The following COL18A1 variants were observed in gnomAD, a reference collection of about 807,000 sequenced individuals.
COL18A1 encodes the protein collagen type XVIII alpha 1 chain, also known as collagen alpha-1(XVIII) chain.
Under a neutral mutation model 168.0 loss-of-function variants are expected in COL18A1, and 133 were observed. The ratio of observed to expected loss-of-function variants is 0.79; its 90% confidence interval spans 0.69 to 0.91. The LOEUF (loss-of-function observed/expected upper bound fraction) is 0.91. COL18A1 is among the 40% of genes least tolerant of loss of function. The pLI is 0.00. For missense variants in COL18A1, 2,126 were observed against 1,925.4 expected, an observed-to-expected ratio of 1.10 and a Z score of -1.95; for synonymous variants, 949 against 809.0, an observed-to-expected ratio of 1.17 and a Z score of -2.94.
intron 2 of COL18A1, among the ~76,000 whole-genome samples, chr21:45,414,573 C>T (rs1013852999): frequency 5.9e-5 from 9 of 152,102 alleles, no homozygotes; most frequent in African/African-American, 9.7e-5. Context: ...TCGGACCCTG[C>T]GGCCGACTCT....
chr21:45,484,316 T>C (rs1328254549), intron 15 of COL18A1, among the ~76,000 whole-genome samples: 6 of 121,632 alleles, frequency 4.9e-5, no homozygotes, highest in African/African-American at 2.1e-4. Context: ...ACCTCCAGCA[T>C]ACATGCACAC....
At chr21:45,497,251 C>T (rs939799147) in intron 31 of COL18A1, among the ~76,000 whole-genome samples, 159 bp downstream of exon 31, 5 of 151,616 alleles carry the variant, frequency 3.3e-5, no homozygotes, top group Non-Finnish European at 7.4e-5. Flanking sequence ...CTTGGCCCTT[C>T]CTGCGGGCCC....
In COL18A1 at chr21:45,468,290, C is replaced by G; in HGVS notation, c.155C>G (p.Pro52Arg). Reference sequence around the variant, plus strand: ...CTGCTGCAGCTCCTTGGGGACCCCCCGCCCCAGCAGGTCACCCAGACGGAT... The same window carrying G: ...CTGCTGCAGCTCCTTGGGGACCCCCGGCCCCAGCAGGTCACCCAGACGGAT... ...VGLLQLLGDP[P>R]PQQVTQTDDP... The change falls in exon 3 of 42, where the codon CCG becomes CGG. Residue 52 changes from proline (P) to arginine (R), a missense_variant. Coordinates refer to ENST00000651438, the MANE Select transcript of COL18A1 (RefSeq NM_001379500.1). 6.2e-7 allele frequency: 1 copy of G among 1,613,234 alleles called. No individual in the cohort carries two copies.
At chr21:45,406,841 G>A (rs1362710527) in intron 2 of COL18A1, among the ~76,000 whole-genome samples, 1 of 152,264 alleles carries the variant, frequency 6.6e-6, no homozygotes, top group Non-Finnish European at 1.5e-5. Flanking sequence ...GTTAACGCGA[G>A]CTTTGGTGAG....
At chr21:45,446,466 A>G (rs2034508188) in intron 2 of COL18A1, among the ~76,000 whole-genome samples, 1 of 152,264 alleles carries the variant, frequency 6.6e-6, no homozygotes, top group African/African-American at 2.4e-5. Flanking sequence ...CAAGAAATAG[A>G]CAATGTGAAT....
At position 45,505,131 on chromosome 21, in the gene COL18A1, T is replaced by A; in HGVS notation, c.2869-3T>A. 1 of 1,608,772 alleles carries A rather than the reference T, an allele frequency of 6.2e-7. No individual in the cohort carries two copies. Among genetic ancestry groups the A allele is most frequent in the South Asian group, 1.1e-5 (1 of 90,688 alleles). ...AGGAAGCGTCTCTTGTCGCCGTCCG[T>A]AGGGTCCCAAGGGAGAGAGCATCCG... On this transcript the variant is annotated splice_region_variant and splice_polypyrimidine_tract_variant and intron_variant, in intron 34 of 41. Coordinates refer to ENST00000651438, the MANE Select transcript of COL18A1 (RefSeq NM_001379500.1).
At chr21:45,504,353 G>T in intron 33 of COL18A1, 63 bp from the exon 34 acceptor site, 1 of 1,546,816 alleles carries the variant, frequency 6.5e-7, no homozygotes, top group Non-Finnish European at 8.8e-7. Flanking sequence ...TCGGGGGGAT[G>T]GGAGGCCACC....
In COL18A1 at chr21:45,478,282, G is replaced by A. The variant is rs374446209; in HGVS notation, c.1222-45G>A. 355 of 1,613,440 alleles carry A rather than the reference G, an allele frequency of 2.2e-4. 1 individual carries two copies. The highest frequency in any genetic ancestry group is 2.7e-4 in the Non-Finnish European group (316 of 1,179,402). On this transcript the variant is annotated intron_variant, in intron 8 of 41. Transcript: ENST00000651438. ...CCATGTAGACACTGTAGGTGGCGCC[G>A]GAGGAGTCATTTCCCATCACTAATG...
chr21:45,490,501 T>TGGGCCTCGGTGTGCCCTCCTGGGTCC (rs1250055078), intron 20 of COL18A1, among the ~76,000 whole-genome samples, 155 bp downstream of exon 20: 7 of 96,658 alleles, frequency 7.2e-5, no homozygotes, highest in African/African-American at 3.1e-4. Flanking sequence ...CTCCCGGGTC[T>TGGGCCTCGGTGTGCCCTCCTGGGTCC]CTGGGCCTCC....
chr21:45,467,396 G>C, intron 2 of COL18A1: 1 of 985,278 alleles, frequency 1.0e-6, no homozygotes, highest in Non-Finnish European at 1.2e-6. Flanking sequence ...AGCGGGGCTG[G>C]TGGGGAGACT....
chr21:45,455,808 C>G, intron 2 of COL18A1: 2 of 1,613,480 alleles, frequency 1.2e-6, no homozygotes, highest in Non-Finnish European at 1.7e-6. Flanking sequence ...GGCCAGGACA[C>G]CCCCACTTCT....
rs2037240870 is a variant in COL18A1 at position 45,506,871 on chromosome 21, CAG to C, written c.3217-688_3217-687del. The C allele has an allele frequency of 1.6e-5, 3 of 190,866 alleles. No homozygotes were observed. The South Asian group carries it at 2.9e-4, about 19-fold the overall frequency. 11.8% of individuals were successfully genotyped at this position (190,866 alleles called of 1,614,324 possible). ...GGCCTGGCCAGCCCCTGCAGCACCCCAGACAGTGAATCCCACTCCAGTCCCTT... is the reference window on the plus strand; with the variant it reads ...GGCCTGGCCAGCCCCTGCAGCACCCCACAGTGAATCCCACTCCAGTCCCTT... On this transcript the variant is annotated intron_variant, in intron 37 of 41. Coordinates refer to ENST00000651438, the MANE Select transcript of COL18A1 (RefSeq NM_001379500.1).
chr21:45,465,882 G>A (rs1420760685), intron 2 of COL18A1, among the ~76,000 whole-genome samples: 1 of 152,212 alleles, frequency 6.6e-6, no homozygotes, highest in East Asian at 1.9e-4. Flanking sequence ...CGGTGGCCGT[G>A]AGGGATGCAG....
chr21:45,490,375 A>AG (rs746774357), intron 20 of COL18A1, 29 bp downstream of exon 20: 101 of 1,524,628 alleles, frequency 6.6e-5, no homozygotes, highest in South Asian at 5.2e-4. Flanking sequence ...CCCAGGGTGC[A>AG]GGGGGGGCGT....
intron 2 of COL18A1, among the ~76,000 whole-genome samples, chr21:45,437,186 A>ACT (rs1555972293): frequency 2.3e-5 from 2 of 86,286 alleles, no homozygotes; most frequent in East Asian, 4.1e-4. Flanking sequence ...ACACACACTC[A>ACT]CACAGACACA....
In COL18A1 at chr21:45,443,013, GTGGGTGGTGGTGGTGCTGA is replaced by G. The variant is rs2034420031; in HGVS notation, c.107-25226_107-25208del. On this transcript the variant is annotated intron_variant, in intron 2 of 41. Coordinates refer to ENST00000651438, the MANE Select transcript of COL18A1 (RefSeq NM_001379500.1). This position sits in a 1 kb window ranked among gnomAD's most constrained non-coding sequence, Gnocchi z 5.2. ...TGCTGGTGTGGGCGGCGGTGCTGAT[GTGGGTGGTGGTGGTGCTGA>G]TGTGGGCGGCGGTGCTGGTGTGGGC... Among the ~76,000 whole-genome samples the G allele has an allele frequency of 7.0e-6, 1 of 143,596 alleles. No individual in the cohort carries two copies. Among genetic ancestry groups the G allele is most frequent in the African/African-American group, 2.8e-5 (1 of 35,648 alleles). 94.2% of individuals were successfully genotyped at this position (143,596 alleles called of 152,430 possible).
At chr21:45,455,661 C>G in intron 2 of COL18A1, 1 of 1,613,910 alleles carries the variant, frequency 6.2e-7, no homozygotes, top group Admixed American at 1.7e-5. Flanking sequence ...GCAGCTACCA[C>G]GATCCCTGAG....
At chr21:45,468,807 G>C (rs1049610416) in intron 3 of COL18A1, 21 bp downstream of exon 3, 6 of 1,563,066 alleles carry the variant, frequency 3.8e-6, no homozygotes, top group African/African-American at 2.7e-5. Context: ...CTGTGCCGTC[G>C]CTGGGGGACT....
At chr21:45,483,238 C>A (rs2145947443) in intron 15 of COL18A1, among the ~76,000 whole-genome samples, 1 of 152,184 alleles carries the variant, frequency 6.6e-6, no homozygotes, top group South Asian at 2.1e-4. Flanking sequence ...CCCCCAACAT[C>A]CCCCCATAGG....
Sources: allele counts gnomAD v4.1 joint callset (sites outside exome capture counted in the v4.1 genomes callset), GRCh38; gene constraint gnomAD v4.1.1; non-coding constraint Gnocchi (gnomAD v3.1); transcripts MANE v1.5; gene names NCBI Gene and HGNC (gene_info 2026-07-23, HGNC 2026-07-21).